Variants in CACNA1D observed in about 807,000 individuals in gnomAD.
CACNA1D encodes calcium voltage-gated channel subunit alpha1 D.
A neutral mutation model predicts 257.1 loss-of-function variants in CACNA1D; 55 were observed. The ratio of observed to expected loss-of-function variants is 0.21; its 90% CI spans 0.17 to 0.27. CACNA1D has a LOEUF of 0.27. Ranked by LOEUF, CACNA1D falls within the 10% of genes least tolerant of loss-of-function variation. CACNA1D has a pLI of 1.00. For missense variants in CACNA1D, 1,876 were observed against 2,784.0 expected (o/e 0.67, Z 7.34); for synonymous variants, 980 against 1,014.9 (o/e 0.97, Z 0.65).
chr3:53,618,377 G>A (rs1445893095), intron 3 of CACNA1D, among the ~76,000 whole-genome samples: 2 of 152,190 alleles, frequency 1.3e-5, no homozygotes, highest in Non-Finnish European at 2.9e-5. Context: ...GATTTGTGCT[G>A]ATGCGGAGAC....
chr3:53,537,971 C>T (rs2092162820), intron 3 of CACNA1D, among the ~76,000 whole-genome samples: 1 of 152,016 alleles, frequency 6.6e-6, no homozygotes, highest in Admixed American at 6.6e-5. Flanking sequence ...AGAGGAGGCA[C>T]TTAGTATCTG....
Position 53,723,758 on chromosome 3 carries a change from T to C in CACNA1D, c.1893-34T>C, listed in dbSNP as rs2094905079. On this transcript the variant is annotated intron_variant, in intron 13 of 47. Transcript: ENST00000350061. This position sits in a 1 kb window ranked among gnomAD's most constrained non-coding sequence, Gnocchi z 5.6. ...GATGTTCTGCTCTGTCCTGCATGGG[T>C]GTTCTGAGCTGACACCCTCATCTTG... 1.9e-6 allele frequency: 3 copies of C among 1,591,572 alleles called. No individual in the cohort carries two copies. The highest frequency in any genetic ancestry group is 2.6e-6 in the Non-Finnish European group (3 of 1,159,454).
intron 4 of CACNA1D, among the ~76,000 whole-genome samples, chr3:53,651,369 T>TTC (rs1331639253): frequency 8.2e-6 from 1 of 121,874 alleles, no homozygotes; most frequent in Non-Finnish European, 1.6e-5. Context: ...TAATTTTCTT[T>TTC]TTTTTTTTTT....
chr3:53,683,798 C>A (rs1228917297), intron 8 of CACNA1D, among the ~76,000 whole-genome samples: 1 of 152,036 alleles, frequency 6.6e-6, no homozygotes, highest in Non-Finnish European at 1.5e-5. Context: ...ATCTCTAAAA[C>A]AACAATAAGC....
chr3:53,567,491 C>T (rs1157532244), intron 3 of CACNA1D, among the ~76,000 whole-genome samples: 1 of 152,100 alleles, frequency 6.6e-6, no homozygotes, highest in Non-Finnish European at 1.5e-5. Flanking sequence ...TTTAAAGGTG[C>T]CCTTGTGACC....
At chr3:53,560,683 A>G (rs898222453) in intron 3 of CACNA1D, among the ~76,000 whole-genome samples, 3 of 152,230 alleles carry the variant, frequency 2.0e-5, no homozygotes, top group African/African-American at 7.2e-5. Context: ...AAAGATAGCT[A>G]TGGTCCAATT....
intron 3 of CACNA1D, among the ~76,000 whole-genome samples, chr3:53,632,890 T>C (rs930273351): frequency 6.6e-6 from 1 of 152,182 alleles, no homozygotes; most frequent in Non-Finnish European, 1.5e-5. Context: ...TAAGTGATCA[T>C]AGATCACCGT....
At chr3:53,697,700 A>G (rs115031789) in intron 8 of CACNA1D, among the ~76,000 whole-genome samples, 4,863 of 152,316 alleles carry the variant, frequency 0.032, 105 homozygotes, top group Non-Finnish European at 0.051. Flanking sequence ...TTATCTATCC[A>G]TAAGACATGT....
At chr3:53,614,981 A>G (rs539683919) in intron 3 of CACNA1D, among the ~76,000 whole-genome samples, 2 of 152,374 alleles carry the variant, frequency 1.3e-5, no homozygotes, top group South Asian at 2.1e-4. Context: ...CAACTTGTGT[A>G]GAAGATCAAA....
intron 3 of CACNA1D, among the ~76,000 whole-genome samples, chr3:53,564,627 GT>G (rs1300770904): frequency 1.3e-5 from 2 of 152,052 alleles, no homozygotes; most frequent in African/African-American, 2.4e-5. Context: ...TCCATTAGGA[GT>G]TTTTTTCTTT....
rs537708223 is a variant in CACNA1D at position 53,739,386 on chromosome 3, A to G, written c.2752-894A>G. Among the ~76,000 whole-genome samples the G allele has an allele frequency of 2.6e-5, 4 of 152,354 alleles. No homozygotes were observed. The South Asian group carries it at 8.3e-4, about 32-fold the overall frequency. On this transcript the variant is annotated intron_variant, in intron 20 of 47. Transcript: ENST00000350061. ...CCAAGACCAACTCGCCTTTGCAGAT[A>G]AGGGTGCTACGGTCAGAAGCTCCTG...
At chr3:53,532,781 G>C (rs1284952417) in intron 3 of CACNA1D, among the ~76,000 whole-genome samples, 1 of 152,136 alleles carries the variant, frequency 6.6e-6, no homozygotes, top group East Asian at 1.9e-4. Context: ...GGAATAGAGA[G>C]GCAGTGAGTG....
At chr3:53,710,078 C>A (rs548346006) in intron 9 of CACNA1D, among the ~76,000 whole-genome samples, 8 of 152,338 alleles carry the variant, frequency 5.3e-5, no homozygotes, top group South Asian at 4.1e-4. Flanking sequence ...CCTGACTCCC[C>A]CTAAAGTGCC....
chr3:53,809,622 T>A (rs2095585605), intron 46 of CACNA1D: 2 of 348,710 alleles, frequency 5.7e-6, no homozygotes, highest in Non-Finnish European at 1.1e-5. Context: ...TTCCCCTGAA[T>A]GTACTTCGGT....
intron 29 of CACNA1D, among the ~76,000 whole-genome samples, chr3:53,759,451 G>A (rs768555298): frequency 5.9e-5 from 9 of 152,238 alleles, no homozygotes; most frequent in Non-Finnish European, 1.3e-4. Context: ...GGCGCACACG[G>A]TACAAATGCA....
intron 4 of CACNA1D, among the ~76,000 whole-genome samples, chr3:53,652,664 G>A (rs1319747463): frequency 1.3e-5 from 2 of 152,194 alleles, no homozygotes; most frequent in Admixed American, 1.3e-4. Flanking sequence ...ACCCCACAGG[G>A]CCACTGGTAG....
intron 4 of CACNA1D, among the ~76,000 whole-genome samples, chr3:53,651,880 A>T (rs2094101156): frequency 6.6e-6 from 1 of 151,976 alleles, no homozygotes; most frequent in South Asian, 2.1e-4. Flanking sequence ...TTGCCTTTTC[A>T]TTGGAGACTA....
Position 53,808,564 on chromosome 3 carries a change from G to A in CACNA1D, c.5750-85G>A, listed in dbSNP as rs1170556322. The stretch of plus-strand genomic sequence containing the variant: ...TGCTTCTTCCTGGGCTCGTTGCTGA[G>A]CATCCGGGGCCACCCTGACTCTGAA... On this transcript the variant is annotated intron_variant, in intron 45 of 47. Transcript: ENST00000350061. The A allele has an allele frequency of 1.8e-5, 27 of 1,541,824 alleles. No individual in the cohort carries two copies. In the East Asian group the frequency reaches 6.1e-4, roughly 35 times the overall value.
chr3:53,621,169 T>A (rs1559928469), intron 3 of CACNA1D, among the ~76,000 whole-genome samples: 1 of 152,126 alleles, frequency 6.6e-6, no homozygotes, highest in Non-Finnish European at 1.5e-5. Context: ...GCCAGAGCTG[T>A]GAATTCCCAG....
Sources: gnomAD v4.1 joint callset for allele counts (sites outside exome capture counted in the v4.1 genomes callset) on GRCh38, gnomAD v4.1.1 for gene constraint, Gnocchi (gnomAD v3.1) non-coding constraint, MANE v1.5 for transcripts, NCBI Gene and HGNC (gene_info 2026-07-23, HGNC 2026-07-21) for gene names.